SYNE1: variants seen among roughly 807,000 people sequenced by gnomAD.
The protein encoded by SYNE1 is nesprin-1.
Under a neutral mutation model 1,111.0 loss-of-function variants are expected in SYNE1, and 616 were observed. The observed-to-expected ratio is 0.55, with a 90% CI of 0.52 to 0.59. The LOEUF is 0.59. Ranked by LOEUF, SYNE1 falls within the 20% of genes least tolerant of loss-of-function variation. The pLI is 0.00. For synonymous variants in SYNE1, 3,855 were observed against 3,825.8 expected (o/e 1.01, Z -0.28); for missense variants, 10,006 against 10,417.0 (o/e 0.96, Z 1.72).
intron 6 of SYNE1, among the ~76,000 whole-genome samples, chr6:152,518,996 G>A (rs1004560166): frequency 6.0e-5 from 9 of 150,882 alleles, no homozygotes; most frequent in African/African-American, 2.2e-4. Context: ...GTAGGGTGGG[G>A]GGAGGGGGGA....
chr6:152,123,646 T>C (rs1377648031), intron 145 of SYNE1, among the ~76,000 whole-genome samples: 1 of 152,182 alleles, frequency 6.6e-6, no homozygotes, highest in East Asian at 1.9e-4. Flanking sequence ...AGAAATGTTG[T>C]TTACGACAGG....
chr6:152,202,964 A>G (rs888546152), intron 126 of SYNE1, among the ~76,000 whole-genome samples: 6 of 152,196 alleles, frequency 3.9e-5, no homozygotes, highest in Admixed American at 2.6e-4. Context: ...TAAGAAATCT[A>G]TATCTAATAT....
At chr6:152,157,547 A>C (rs2061611528) in intron 131 of SYNE1, among the ~76,000 whole-genome samples, 1 of 152,220 alleles carries the variant, frequency 6.6e-6, no homozygotes, top group South Asian at 2.1e-4. Context: ...CATATTTCAA[A>C]ATAGCTAGAA....
intron 91 of SYNE1, among the ~76,000 whole-genome samples, chr6:152,308,115 G>A (rs1012720982): frequency 6.6e-6 from 1 of 152,158 alleles, no homozygotes; most frequent in Non-Finnish European, 1.5e-5. Flanking sequence ...ACAGGAGTGA[G>A]CCACCAAGAC....
chr6:152,363,699 T>G (rs1219499588), intron 63 of SYNE1: 1 of 454,354 alleles, frequency 2.2e-6, no homozygotes, highest in East Asian at 7.0e-5. Context: ...CTCCTAGATC[T>G]CTTAGCTTGA....
intron 39 of SYNE1, among the ~76,000 whole-genome samples, chr6:152,423,284 T>C (rs1462176078): frequency 2.0e-5 from 3 of 152,232 alleles, no homozygotes; most frequent in Non-Finnish European, 4.4e-5. Flanking sequence ...ATATATTCTG[T>C]ATGTCAAATG....
intron 3 of SYNE1, among the ~76,000 whole-genome samples, chr6:152,578,321 G>A (rs904577835): frequency 9.9e-5 from 15 of 152,144 alleles, no homozygotes; most frequent in South Asian, 6.2e-4. Flanking sequence ...TTGGCCTGGC[G>A]TGGTAGCTCA....
At position 152,148,392 on chromosome 6, in the gene SYNE1, C is replaced by T. The variant is rs534438075; in HGVS notation, c.24643-14G>A. On this transcript the variant is annotated splice_polypyrimidine_tract_variant and intron_variant, in intron 136 of 145. Coordinates refer to ENST00000367255, the MANE Select transcript of SYNE1 (RefSeq NM_182961.4). The surrounding 1 kb of genome is among the most constrained non-coding windows in gnomAD (Gnocchi z 4.1). ...ATCGTCTGGGAGCTAGAAGGGAAGTCAAGGCAACCCTGTCACTGTAGTGGT... is the reference window on the plus strand; with the variant it reads ...ATCGTCTGGGAGCTAGAAGGGAAGTTAAGGCAACCCTGTCACTGTAGTGGT... The T allele has an allele frequency of 8.1e-6, 13 of 1,610,968 alleles. No individual in the cohort carries two copies. The South Asian group carries it at 1.2e-4, about 15-fold the overall frequency.
At chr6:152,270,196 T>C (rs1422728806) in intron 98 of SYNE1, among the ~76,000 whole-genome samples, 2 of 152,228 alleles carry the variant, frequency 1.3e-5, no homozygotes, top group Non-Finnish European at 2.9e-5. Flanking sequence ...TAGACTGACC[T>C]ACATAATTAA....
chr6:152,354,624 C>A (rs1389228848), intron 67 of SYNE1, 35 bp downstream of exon 67: 1 of 1,610,436 alleles, frequency 6.2e-7, no homozygotes, highest in Non-Finnish European at 8.5e-7. Context: ...GTAACTGTAG[C>A]TTTGACAAAG....
At chr6:152,290,664 A>C (rs1046203633) in intron 95 of SYNE1, among the ~76,000 whole-genome samples, 1 of 152,242 alleles carries the variant, frequency 6.6e-6, no homozygotes, top group Admixed American at 6.5e-5. Context: ...TGTAGGAATT[A>C]GGTTACCTCC....
intron 74 of SYNE1, 51 bp downstream of exon 74, chr6:152,344,030 G>T: frequency 6.2e-7 from 1 of 1,612,196 alleles, no homozygotes; most frequent in South Asian, 1.1e-5. Flanking sequence ...CATTTTCACT[G>T]ACGCTCTGAA....
At chr6:152,318,014 A>G in intron 86 of SYNE1, 67 bp downstream of exon 86, 1 of 1,594,090 alleles carries the variant, frequency 6.3e-7, no homozygotes, top group East Asian at 2.2e-5. Context: ...TTTATTTTCA[A>G]AAGAGAAAAG....
chr6:152,199,316 G>A (rs1272560341), intron 127 of SYNE1, among the ~76,000 whole-genome samples: 1 of 151,994 alleles, frequency 6.6e-6, no homozygotes, highest in Non-Finnish European at 1.5e-5. Context: ...TTTAAAAACA[G>A]ACACCTAAAT....
intron 74 of SYNE1, among the ~76,000 whole-genome samples, chr6:152,340,250 T>C (rs1266255158): frequency 1.3e-5 from 2 of 151,950 alleles, no homozygotes; most frequent in Non-Finnish European, 2.9e-5. Flanking sequence ...AGACAGCAAA[T>C]GCAAAGCCCT....
intron 144 of SYNE1, among the ~76,000 whole-genome samples, chr6:152,131,346 T>C (rs1483265358): frequency 7.2e-6 from 1 of 138,588 alleles, no homozygotes; most frequent in Non-Finnish European, 1.6e-5. Context: ...AAAAAAAAAA[T>C]CCTAAAAAAG....
At chr6:152,371,909 AAAGGAAAGG>A (rs1563462179) in intron 59 of SYNE1, among the ~76,000 whole-genome samples, 2 of 69,994 alleles carry the variant, frequency 2.9e-5, no homozygotes, top group Non-Finnish European at 7.6e-5. Context: ...AAAGGAAAGG[AAAGGAAAGG>A]AAAGGACAGG....
rs557715261 is a variant in SYNE1 at position 152,289,163 on chromosome 6, T to C, written c.18012+4425A>G. Reference sequence around the variant, plus strand: ...ATGTCTTCAGTCCCATAACTCTGAGTATAAGAGCTGGTGGCCAGCAGCTAC... The same window carrying C: ...ATGTCTTCAGTCCCATAACTCTGAGCATAAGAGCTGGTGGCCAGCAGCTAC... On this transcript the variant is annotated intron_variant, in intron 95 of 145. Transcript: ENST00000367255. Among the ~76,000 whole-genome samples the C allele has an allele frequency of 2.0e-5, 3 of 152,150 alleles. No homozygotes were observed. In the South Asian group the frequency reaches 6.2e-4, roughly 32 times the overall value.
At chr6:152,264,081 C>T (rs1371102325) in intron 100 of SYNE1, among the ~76,000 whole-genome samples, 5 of 150,686 alleles carry the variant, frequency 3.3e-5, no homozygotes, top group East Asian at 2.0e-4. Flanking sequence ...TGGTGGCGCA[C>T]ACCTGTTGTC....
Sources: gnomAD v4.1 joint callset for allele counts (sites outside exome capture counted in the v4.1 genomes callset) on GRCh38, gnomAD v4.1.1 for gene constraint, Gnocchi (gnomAD v3.1) non-coding constraint, MANE v1.5 for transcripts, NCBI Gene and HGNC (gene_info 2026-07-23, HGNC 2026-07-21) for gene names.